RNF185: variants seen among roughly 807,000 people sequenced by gnomAD.
The protein encoded by RNF185 is E3 ubiquitin-protein ligase RNF185.
Under a neutral mutation model 24.9 loss-of-function variants are expected in RNF185, and 13 were observed. That is an observed-to-expected ratio of 0.52 (90% confidence interval 0.34 to 0.83). The LOEUF is 0.83. Ranked by LOEUF, RNF185 falls within the 40% of genes least tolerant of loss-of-function variation. RNF185 has a pLI of 0.01. For missense variants in RNF185, 184 were observed against 244.7 expected (o/e 0.75, Z 1.65); for synonymous variants, 79 against 90.3 (o/e 0.88, Z 0.71).
At chr22:31,160,734 G>A (rs1055074263) in intron 1 of RNF185, among the ~76,000 whole-genome samples, 3 of 152,146 alleles carry the variant, frequency 2.0e-5, no homozygotes, top group African/African-American at 7.2e-5. Context: ...TGCGTTCTGG[G>A]CCAAATCTCT....
chr22:31,182,491 G>A (rs1602817878), intron 1 of RNF185, among the ~76,000 whole-genome samples: 1 of 152,050 alleles, frequency 6.6e-6, no homozygotes, highest in Non-Finnish European at 1.5e-5. Context: ...GTAGAGATAG[G>A]GTTTCACCAT....
In RNF185 at chr22:31,190,018, C is replaced by T. The variant is rs554652987; in HGVS notation, c.177-2666C>T. The stretch of plus-strand genomic sequence containing the variant: ...GCTAGCTTCCCTGTACTTTGGTTTC[C>T]TCATCTGTAAGATGGAGATGATGGT... On this transcript the variant is annotated intron_variant, in intron 2 of 6. Coordinates refer to ENST00000326132, the MANE Select transcript of RNF185 (RefSeq NM_152267.4). 2.0e-5 allele frequency among the ~76,000 whole-genome samples: 3 copies of T among 152,186 alleles called. No individual in the cohort carries two copies. The South Asian group carries it at 6.2e-4, about 31-fold the overall frequency.
At chr22:31,163,660 ATTT>A (rs1923724796) in intron 1 of RNF185, among the ~76,000 whole-genome samples, 4 of 139,798 alleles carry the variant, frequency 2.9e-5, no homozygotes, top group African/African-American at 1.2e-4. Flanking sequence ...ATTTTATTTT[ATTT>A]ATTTATTTAT....
intron 6 of RNF185, among the ~76,000 whole-genome samples, chr22:31,202,520 A>ACTGC (rs971617471): frequency 1.3e-5 from 2 of 150,444 alleles, no homozygotes; most frequent in Non-Finnish European, 3.0e-5. Flanking sequence ...GTCTTTCTTG[A>ACTGC]CTGCCTGCCT....
intron 1 of RNF185, among the ~76,000 whole-genome samples, chr22:31,172,471 G>A (rs2147927648): frequency 6.8e-6 from 1 of 146,766 alleles, no homozygotes; most frequent in Non-Finnish European, 1.5e-5. Context: ...CAACAAGGCT[G>A]GGCGCGGTGG....
intron 1 of RNF185, among the ~76,000 whole-genome samples, chr22:31,176,062 C>A (rs1187624428): frequency 6.6e-6 from 1 of 152,032 alleles, no homozygotes; most frequent in East Asian, 1.9e-4. Context: ...CATGCTTGGC[C>A]TATTTTCTCC....
chr22:31,198,704 CTTTTTTTT>C (rs1196076379), intron 5 of RNF185, among the ~76,000 whole-genome samples: 2 of 69,652 alleles, frequency 2.9e-5, no homozygotes, highest in Non-Finnish European at 5.9e-5. Context: ...CTGCCACTTT[CTTTTTTTT>C]TTTTTTTTTT....
At chr22:31,178,050 A>G (rs893001140) in intron 1 of RNF185, among the ~76,000 whole-genome samples, 1 of 152,196 alleles carries the variant, frequency 6.6e-6, no homozygotes, top group Non-Finnish European at 1.5e-5. Flanking sequence ...GGGTCAGTCA[A>G]CTTCAGCCGC....
At chr22:31,196,873 T>A in intron 4 of RNF185, 63 bp from the exon 5 acceptor site, 1 of 1,595,576 alleles carries the variant, frequency 6.3e-7, no homozygotes, top group Non-Finnish European at 8.5e-7. Context: ...GAGCTCCAGG[T>A]CCTCACAGGG....
At chr22:31,173,069 G>C (rs1427070739) in intron 1 of RNF185, among the ~76,000 whole-genome samples, 1 of 152,116 alleles carries the variant, frequency 6.6e-6, no homozygotes, top group African/African-American at 2.4e-5. Flanking sequence ...CTTCCTGTCA[G>C]GAACTGTGCT....
intron 1 of RNF185, among the ~76,000 whole-genome samples, chr22:31,166,660 T>C (rs922213521): frequency 1.3e-5 from 2 of 149,608 alleles, no homozygotes; most frequent in Non-Finnish European, 3.0e-5. Context: ...CTTCCTCTTC[T>C]TCTTCTCGAG....
At chr22:31,199,482 A>G (rs754102196) in intron 5 of RNF185, among the ~76,000 whole-genome samples, 1 of 152,336 alleles carries the variant, frequency 6.6e-6, no homozygotes, top group African/African-American at 2.4e-5. Flanking sequence ...TTGTTGACCA[A>G]AGTGCATACC....
chr22:31,176,551 C>T (rs1212357171), intron 1 of RNF185, among the ~76,000 whole-genome samples: 1 of 148,564 alleles, frequency 6.7e-6, no homozygotes, highest in Non-Finnish European at 1.5e-5. Context: ...TGTAGTGGTG[C>T]GATCTCAGCT....
intron 1 of RNF185, among the ~76,000 whole-genome samples, chr22:31,164,003 T>C (rs1369808304): frequency 1.3e-5 from 2 of 149,704 alleles, no homozygotes; most frequent in African/African-American, 2.5e-5. Flanking sequence ...ATTTTTTAGA[T>C]GGAGTTTCAC....
Position 31,197,315 on chromosome 22 carries a change from G to A in RNF185, c.363+325G>A, listed in dbSNP as rs372066920. The stretch of plus-strand genomic sequence containing the variant: ...TTTTACAATATGTGGCTCCTGTTTT[G>A]TAACCCTCTCTTAAAATTTCATTTG... On this transcript the variant is annotated intron_variant, in intron 5 of 6. Transcript: ENST00000326132. Among the ~76,000 whole-genome samples the A allele has an allele frequency of 8.6e-5, 13 of 151,944 alleles. No individual in the cohort carries two copies. In the East Asian group the frequency reaches 2.3e-3, roughly 27 times the overall value.
intron 1 of RNF185, among the ~76,000 whole-genome samples, chr22:31,181,004 T>C (rs1199521988): frequency 1.3e-5 from 2 of 151,740 alleles, no homozygotes; most frequent in East Asian, 3.9e-4. Flanking sequence ...CATACTCATA[T>C]ACATACTTAG....
At chr22:31,189,546 C>G (rs553947817) in intron 2 of RNF185, among the ~76,000 whole-genome samples, 25 of 151,680 alleles carry the variant, frequency 1.6e-4, no homozygotes, top group African/African-American at 4.4e-4. Context: ...ATCTGCCCAC[C>G]CCGACCTCCC....
chr22:31,170,603 AG>A (rs2147925046), intron 1 of RNF185, among the ~76,000 whole-genome samples: 1 of 152,106 alleles, frequency 6.6e-6, no homozygotes, highest in African/African-American at 2.4e-5. Flanking sequence ...CTCCACCTCC[AG>A]GGTTCAAGCG....
intron 6 of RNF185, among the ~76,000 whole-genome samples, chr22:31,203,171 C>T (rs977488479): frequency 2.0e-5 from 3 of 151,462 alleles, no homozygotes; most frequent in African/African-American, 7.2e-5. Flanking sequence ...GCCACAGTCA[C>T]AGTTTTCCCT....
Sources: gnomAD v4.1 joint callset for allele counts (sites outside exome capture counted in the v4.1 genomes callset) on GRCh38, gnomAD v4.1.1 for gene constraint, MANE v1.5 for transcripts, NCBI Gene and HGNC (gene_info 2026-07-23, HGNC 2026-07-21) for gene names.